PUDP: variants seen among roughly 807,000 people sequenced by gnomAD.
PUDP encodes pseudouridine-5'-phosphatase.
A neutral mutation model predicts 9.4 loss-of-function variants in PUDP; 8 were observed. The observed-to-expected ratio is 0.85, with a 90% CI of 0.50 to 1.53. The LOEUF is 1.53. Among genes scored for constraint, PUDP ranks in the 40% most tolerant of loss-of-function variants. The pLI, the probability that PUDP is intolerant of heterozygous loss-of-function variation, is 0.00. For synonymous variants in PUDP, 99 were observed against 80.7 expected (o/e 1.23, Z -1.22); for missense variants, 188 against 189.7 (o/e 0.99, Z 0.05).
At chrX:6,827,166 A>C in intron 3 of PUDP, among the ~76,000 whole-genome samples, 1 of 112,055 alleles carries the variant, frequency 8.9e-6, no homozygotes. Context: ...CATAAACCTC[A>C]GTGTTGTTAG....
At chrX:6,802,430 G>A (rs1221724174) in intron 3 of PUDP, among the ~76,000 whole-genome samples, 1 of 111,759 alleles carries the variant, frequency 8.9e-6, no homozygotes, top group Non-Finnish European at 1.9e-5. Context: ...CTGAGCTATG[G>A]AGCATCTAAG....
At chrX:6,971,822 C>T (rs1250540066) in intron 3 of PUDP, among the ~76,000 whole-genome samples, 8 of 111,789 alleles carry the variant, frequency 7.2e-5, no homozygotes, top group Admixed American at 2.8e-4. Flanking sequence ...GCCGTTTTCA[C>T]GATACTGATT....
intron 3 of PUDP, among the ~76,000 whole-genome samples, chrX:6,972,802 C>G (rs1214269507): frequency 9.0e-6 from 1 of 111,657 alleles, no homozygotes; most frequent in Non-Finnish European, 1.9e-5. Context: ...CTCTTTGTAC[C>G]TCTGGTAGAA....
At chrX:6,799,399 A>C (rs907229469) in intron 3 of PUDP, among the ~76,000 whole-genome samples, 3 of 112,010 alleles carry the variant, frequency 2.7e-5, no homozygotes, top group African/African-American at 9.7e-5. Flanking sequence ...AAGGTATTTT[A>C]AGATTAAATC....
chrX:6,826,226 A>T (rs930564821), intron 3 of PUDP, among the ~76,000 whole-genome samples: 5 of 112,052 alleles, frequency 4.5e-5, no homozygotes, highest in Admixed American at 9.5e-5. Flanking sequence ...TGGAAAGTCT[A>T]TTTTTTTAAT....
At chrX:7,109,699 C>T (rs1169957809) in intron 1 of PUDP, among the ~76,000 whole-genome samples, 1 of 112,019 alleles carries the variant, frequency 8.9e-6, no homozygotes, top group African/African-American at 3.3e-5. Context: ...TTAAACTCCT[C>T]AGATCAAATG....
chrX:6,799,543 T>C (rs1051940536), intron 3 of PUDP, among the ~76,000 whole-genome samples: 3 of 112,147 alleles, frequency 2.7e-5, no homozygotes, highest in Non-Finnish European at 3.8e-5. Context: ...AGCAAGACTA[T>C]TTATTTTTTG....
At chrX:6,715,650 A>T (rs1661121369) in intron 1 of PUDP, among the ~76,000 whole-genome samples, 1 of 112,632 alleles carries the variant, frequency 8.9e-6, no homozygotes, top group South Asian at 3.7e-4. Context: ...TCTCCTTCAC[A>T]ACATGAGTTT....
intron 3 of PUDP, among the ~76,000 whole-genome samples, chrX:6,945,591 T>G (rs1928453131): frequency 9.0e-6 from 1 of 111,317 alleles, no homozygotes; most frequent in Admixed American, 9.6e-5. Context: ...ATTAAAAAGA[T>G]GAAATTACTC....
intron 3 of PUDP, among the ~76,000 whole-genome samples, chrX:6,831,898 G>C (rs893270610): frequency 8.9e-6 from 1 of 111,859 alleles, no homozygotes; most frequent in Non-Finnish European, 1.9e-5. Flanking sequence ...AAAGGAACTA[G>C]CAAGGCAGCT....
chrX:6,804,455 C>G (rs1602626890), intron 3 of PUDP, among the ~76,000 whole-genome samples: 1 of 111,723 alleles, frequency 9.0e-6, no homozygotes, highest in Non-Finnish European at 1.9e-5. Flanking sequence ...TTCTGACTCT[C>G]CAAATTTATA....
chrX:6,759,752 G>A (rs1012716663), intron 3 of PUDP, among the ~76,000 whole-genome samples: 2 of 111,856 alleles, frequency 1.8e-5, no homozygotes, highest in Admixed American at 9.5e-5. Context: ...CCCAGCTCTA[G>A]GAGAGATGAA....
intron 3 of PUDP, among the ~76,000 whole-genome samples, chrX:6,927,256 C>A (rs1203956564): frequency 9.0e-6 from 1 of 111,153 alleles, no homozygotes; most frequent in African/African-American, 3.3e-5. Flanking sequence ...CTTTATAGTG[C>A]CTCCAGCTCT....
At chrX:6,951,243 T>A (rs5933766) in intron 3 of PUDP, among the ~76,000 whole-genome samples, 1 of 95,303 alleles carries the variant, frequency 1.0e-5, no homozygotes, top group East Asian at 3.3e-4. Flanking sequence ...CATCCATCCA[T>A]CATATCTATC....
At chrX:6,954,952 C>T (rs1928605760) in intron 3 of PUDP, among the ~76,000 whole-genome samples, 2 of 92,062 alleles carry the variant, frequency 2.2e-5, no homozygotes, top group Admixed American at 2.6e-4. Context: ...GGAGGTCAAG[C>T]TGATGCTGCA....
At chrX:6,748,603 A>C (rs1413323950) in intron 3 of PUDP, among the ~76,000 whole-genome samples, 1 of 111,820 alleles carries the variant, frequency 8.9e-6, no homozygotes, top group Admixed American at 9.5e-5. Context: ...GAAAAAATTA[A>C]GACAATCCCT....
At chrX:6,940,907 G>A (rs1172057515) in intron 3 of PUDP, among the ~76,000 whole-genome samples, 2 of 111,958 alleles carry the variant, frequency 1.8e-5, no homozygotes, top group East Asian at 5.6e-4. Context: ...TTCACTGAGT[G>A]ATAAGATCAA....
At chrX:6,902,624 G>A (rs1927707441) in intron 3 of PUDP, among the ~76,000 whole-genome samples, 1 of 112,088 alleles carries the variant, frequency 8.9e-6, no homozygotes, top group Non-Finnish European at 1.9e-5. Context: ...GGCGTAAATG[G>A]CATGCAAGGG....
At chrX:6,964,884 T>A (rs1928759798) in intron 3 of PUDP, among the ~76,000 whole-genome samples, 1 of 111,000 alleles carries the variant, frequency 9.0e-6, no homozygotes, top group African/African-American at 3.3e-5. Context: ...TTTCCTAAGT[T>A]TTTTCCCCCT....
Sources: allele counts gnomAD v4.1 joint callset (sites outside exome capture counted in the v4.1 genomes callset), GRCh38; gene constraint gnomAD v4.1.1; transcripts MANE v1.5; gene names NCBI Gene and HGNC (gene_info 2026-07-23, HGNC 2026-07-21).